Variants in NFKB1 observed in about 807,000 individuals in gnomAD.
NFKB1 encodes nuclear factor kappa B subunit 1.
In NFKB1, 9 loss-of-function variants were observed where a neutral mutation model predicts 105.1. That is an observed-to-expected ratio of 0.09 (90% CI 0.05 to 0.15). The LOEUF is 0.15. Ranked by LOEUF, NFKB1 falls within the 10% of genes least tolerant of loss-of-function variation. NFKB1 has a pLI of 1.00. For missense variants in NFKB1, 830 were observed against 1,203.7 expected, an observed-to-expected ratio of 0.69 and a Z score of 4.59; for synonymous variants, 440 against 442.2, an observed-to-expected ratio of 1.00 and a Z score of 0.06.
intron 1 of NFKB1, among the ~76,000 whole-genome samples, chr4:102,502,884 A>G (rs35630491): frequency 1.3e-5 from 2 of 152,326 alleles, no homozygotes; most frequent in East Asian, 1.9e-4. Flanking sequence ...GCATCAAAAT[A>G]TTCTACATAC....
At chr4:102,600,415 T>A (rs1727040835) in intron 15 of NFKB1, among the ~76,000 whole-genome samples, 1 of 152,176 alleles carries the variant, frequency 6.6e-6, no homozygotes, top group Non-Finnish European at 1.5e-5. Context: ...ACCACCACAC[T>A]GTATTTTGGA....
intron 6 of NFKB1, 46 bp downstream of exon 6, chr4:102,567,181 T>A (rs1323113381): frequency 1.3e-6 from 2 of 1,589,462 alleles, no homozygotes; most frequent in Non-Finnish European, 1.7e-6. Context: ...ACAGATAGAA[T>A]ATGGGATGCA....
chr4:102,517,909 G>C (rs560001915), intron 1 of NFKB1, among the ~76,000 whole-genome samples: 2 of 152,288 alleles, frequency 1.3e-5, no homozygotes, highest in South Asian at 4.1e-4. Context: ...AATGTAATGT[G>C]CTGAGTGGTT....
At chr4:102,535,833 G>C (rs1359625195) in intron 4 of NFKB1, among the ~76,000 whole-genome samples, 1 of 151,498 alleles carries the variant, frequency 6.6e-6, no homozygotes, top group Non-Finnish European at 1.5e-5. Context: ...TTTTCCAACT[G>C]TCCCAAAGGA....
intron 20 of NFKB1, among the ~76,000 whole-genome samples, chr4:102,611,245 A>G (rs1168569655): frequency 6.6e-6 from 1 of 152,210 alleles, no homozygotes; most frequent in Non-Finnish European, 1.5e-5. Flanking sequence ...GCAGCATGCA[A>G]GATCTCCAAC....
At chr4:102,553,664 T>C (rs1188007989) in intron 5 of NFKB1, among the ~76,000 whole-genome samples, 1 of 152,194 alleles carries the variant, frequency 6.6e-6, no homozygotes, top group Non-Finnish European at 1.5e-5. Context: ...TTTTTTTCTC[T>C]CTCCACTTAT....
At position 102,525,548 on chromosome 4, in the gene NFKB1, G is replaced by T. The variant is rs1740855341; in HGVS notation, c.30G>T (p.Arg10Ser). Reference sequence around the variant, plus strand: ...CAGAAGATGATCCATATTTGGGAAGGCCTGAACAAGTAAGTGTCATAATCT... The same window carrying T: ...CAGAAGATGATCCATATTTGGGAAGTCCTGAACAAGTAAGTGTCATAATCT... MAEDDPYLGRPEQMFHLDPS... is the reference protein window; with the variant it reads MAEDDPYLGSPEQMFHLDPS... The change falls in exon 2 of 24, where the codon AGG becomes AGT. Residue 10 changes from arginine to serine, a missense_variant. Transcript: ENST00000226574. The T allele has an allele frequency of 6.2e-7, 1 of 1,612,894 alleles. No individual in the cohort carries two copies.
intron 5 of NFKB1, 88 bp downstream of exon 5, chr4:102,538,044 G>A (rs1741756727): frequency 2.4e-6 from 2 of 822,212 alleles, no homozygotes; most frequent in East Asian, 2.5e-5. Context: ...ATGAGTACGG[G>A]TTGCCTTCGC....
intron 19 of NFKB1, among the ~76,000 whole-genome samples, chr4:102,608,680 A>C (rs1728066418): frequency 6.6e-6 from 1 of 151,692 alleles, no homozygotes; most frequent in African/African-American, 2.4e-5. Flanking sequence ...TTAACTTAAA[A>C]GGTAAATGCT....
intron 5 of NFKB1, among the ~76,000 whole-genome samples, chr4:102,550,852 ATTTTAGG>A (rs988535016): frequency 5.9e-5 from 9 of 152,046 alleles, no homozygotes; most frequent in African/African-American, 2.2e-4. Flanking sequence ...TTTCTATTCC[ATTTTAGG>A]GGTTTTCCCA....
At chr4:102,613,128 A>C (rs1728580960) in intron 22 of NFKB1, among the ~76,000 whole-genome samples, 1 of 151,952 alleles carries the variant, frequency 6.6e-6, no homozygotes, top group Admixed American at 6.6e-5. Context: ...ACAGAGGGAG[A>C]CTGTGTAGAC....
chr4:102,614,643 C>CA (rs1345816913), intron 23 of NFKB1, among the ~76,000 whole-genome samples: 9 of 152,098 alleles, frequency 5.9e-5, no homozygotes, highest in Non-Finnish European at 1.3e-4. Context: ...AGTGACCGGT[C>CA]ACCTCCACAT....
At chr4:102,530,135 T>C (rs1157238795) in intron 3 of NFKB1, among the ~76,000 whole-genome samples, 1 of 152,224 alleles carries the variant, frequency 6.6e-6, no homozygotes, top group Non-Finnish European at 1.5e-5. Flanking sequence ...TCATATCTGC[T>C]AGGACTACTC....
chr4:102,613,353 G>A (rs1054078003), intron 22 of NFKB1, 72 bp from the exon 23 acceptor site: 6 of 1,508,160 alleles, frequency 4.0e-6, no homozygotes, highest in Non-Finnish European at 5.5e-6. Context: ...GGAAGGGTGG[G>A]CTGTCAGTGC....
At position 102,567,111 on chromosome 4, in the gene NFKB1, C is replaced by T; in HGVS notation, c.383C>T (p.Ala128Val). ...GAGGATGGGATCTGCACTGTAACTGCTGGACCCAAGGACATGGTGGTCGGG... is the reference window on the plus strand; with the variant it reads ...GAGGATGGGATCTGCACTGTAACTGTTGGACCCAAGGACATGGTGGTCGGG... ...HCEDGICTVT[A>V]GPKDMVVGFA... The change falls in exon 6 of 24, where the codon GCT (alanine) becomes GTT (valine). Residue 128 changes from alanine to valine, a missense_variant. Ala to Val is a moderately conservative substitution (Grantham distance 64). Around this residue, in one of 8 missense-constraint regions of NFKB1, gnomAD observed 64 missense variants for 79.9 expected, o/e 0.80. Coordinates refer to ENST00000226574, the MANE Select transcript of NFKB1 (RefSeq NM_003998.4). The T allele has an allele frequency of 6.2e-7, 1 of 1,613,760 alleles. No individual in the cohort carries two copies. Among genetic ancestry groups the T allele is most frequent in the Admixed American group, 1.7e-5 (1 of 60,004 alleles).
intron 19 of NFKB1, among the ~76,000 whole-genome samples, chr4:102,609,158 C>CAAAAAAAAAAACAAAA (rs1728125929): frequency 1.0e-5 from 1 of 97,358 alleles, no homozygotes. Flanking sequence ...GACCCTGTCT[C>CAAAAAAAAAAACAAAA]AAAAAAAAAA....
intron 1 of NFKB1, among the ~76,000 whole-genome samples, chr4:102,523,147 A>G (rs984879263): frequency 1.3e-5 from 2 of 152,188 alleles, no homozygotes; most frequent in Non-Finnish European, 2.9e-5. Context: ...GAGTTTAGTT[A>G]ATATCCAAGA....
In NFKB1 at chr4:102,616,291, G is replaced by T; in HGVS notation, c.2750-143G>T. The T allele has an allele frequency of 6.2e-6, 5 of 806,970 alleles. No homozygotes were observed. In the South Asian group the frequency reaches 7.0e-5, roughly 11 times the overall value. 50.0% of individuals were successfully genotyped at this position (806,970 alleles called of 1,614,324 possible). On this transcript the variant is annotated intron_variant, in intron 23 of 23. Coordinates refer to ENST00000226574, the MANE Select transcript of NFKB1 (RefSeq NM_003998.4). ...AAGTATCTTCTGCCCTTCCCACCAC[G>T]GTGAGCAGTCATGACAGTGAGGGTG...
In NFKB1 at chr4:102,573,303, C is replaced by T. The variant is rs140161878; in HGVS notation, c.408-3573C>T. ...GGCCTGCGCAACAAGAAAGAAACTC[C>T]GTCTCAAAAAAAAAGAATTATAGGT... On this transcript the variant is annotated intron_variant, in intron 6 of 23. Coordinates refer to ENST00000226574, the MANE Select transcript of NFKB1 (RefSeq NM_003998.4). 2.2e-3 allele frequency among the ~76,000 whole-genome samples: 332 copies of T among 151,910 alleles called. 1 individual carries two copies. The highest frequency in any genetic ancestry group is 7.7e-3 in the African/African-American group (318 of 41,466).
Sources: allele counts gnomAD v4.1 joint callset (sites outside exome capture counted in the v4.1 genomes callset), GRCh38; gene constraint gnomAD v4.1.1; regional missense constraint gnomAD v4.1.1; transcripts MANE v1.5; gene names NCBI Gene and HGNC (gene_info 2026-07-23, HGNC 2026-07-21).